TDP2: variants seen among roughly 807,000 people sequenced by gnomAD.
The protein encoded by TDP2 is tyrosyl-DNA phosphodiesterase 2.
Under a neutral mutation model 42.8 loss-of-function variants are expected in TDP2, and 38 were observed. That is an observed-to-expected ratio of 0.89 (90% CI 0.68 to 1.16). The LOEUF is 1.16. TDP2 is among the 50% of genes most tolerant of loss of function. The probability of loss-of-function intolerance (pLI) is 0.00; values close to 1 mark genes in which losing one functional copy is unlikely to be tolerated. For missense variants in TDP2, 439 were observed against 439.3 expected (o/e 1.00, Z 0.01); for synonymous variants, 173 against 150.6 (o/e 1.15, Z -1.09).
intron 3 of TDP2, 125 bp from the exon 4 acceptor site, chr6:24,658,028 T>A (rs1283589009): frequency 6.9e-6 from 4 of 581,848 alleles, no homozygotes; most frequent in Non-Finnish European, 1.2e-5. Context: ...ATATTGAGTG[T>A]TTATGCTGAT....
Position 24,658,536 on chromosome 6 carries a change from A to G in TDP2, c.425+25T>C, listed in dbSNP as rs754236525. 4.4e-6 allele frequency: 7 copies of G among 1,580,362 alleles called. No individual in the cohort carries two copies. In the South Asian group the frequency reaches 8.0e-5, roughly 18 times the overall value. On this transcript the variant is annotated intron_variant, in intron 3 of 6. Transcript: ENST00000378198. ...TTGTATATACATAAGACACATTACTATTAAATAGAAGTGATAATACTTACA... is the reference window on the plus strand; with the variant it reads ...TTGTATATACATAAGACACATTACTGTTAAATAGAAGTGATAATACTTACA...
chr6:24,662,696 C>A (rs535763682), intron 2 of TDP2, among the ~76,000 whole-genome samples: 2 of 152,290 alleles, frequency 1.3e-5, no homozygotes, highest in South Asian at 4.1e-4. Context: ...CACTTTTCTT[C>A]CTCTATACTT....
intron 2 of TDP2, 28 bp downstream of exon 2, chr6:24,666,498 A>G: frequency 1.9e-6 from 3 of 1,608,572 alleles, no homozygotes; most frequent in South Asian, 1.1e-5. Flanking sequence ...CTCCGTGCGG[A>G]CTGGCTCCCG....
In TDP2 at chr6:24,650,821, C is replaced by A; in HGVS notation, c.1056G>T (p.Trp352Cys). Residue 352 changes from tryptophan (W) to cysteine (C), a missense_variant, in exon 7 of 7, where the codon TGG (tryptophan) becomes TGT (cysteine). Transcript: ENST00000378198. ...LDCGRFPSDH[W>C]GLLCNLDIIL ...TTATATCTAAGTTGCACAGAAGACC[C>A]CAGTGATCACTAGGAAATCTACCAC... 3.1e-6 allele frequency: 5 copies of A among 1,614,070 alleles called. No homozygotes were observed. The highest frequency in any genetic ancestry group is 4.2e-6 in the Non-Finnish European group (5 of 1,179,986).
chr6:24,661,309 T>G (rs1480595528), intron 2 of TDP2, among the ~76,000 whole-genome samples: 1 of 152,232 alleles, frequency 6.6e-6, no homozygotes, highest in Non-Finnish European at 1.5e-5. Flanking sequence ...ATGGGTTCTT[T>G]TTTTATGGAT....
chr6:24,661,238 T>C (rs1562149703), intron 2 of TDP2, among the ~76,000 whole-genome samples: 1 of 152,228 alleles, frequency 6.6e-6, no homozygotes, highest in African/African-American at 2.4e-5. Context: ...ATTTAATAGA[T>C]GGAGTTCTAC....
At chr6:24,663,527 C>G (rs978999869) in intron 2 of TDP2, among the ~76,000 whole-genome samples, 2 of 152,160 alleles carry the variant, frequency 1.3e-5, no homozygotes, top group Non-Finnish European at 2.9e-5. Context: ...GAGATATAAT[C>G]CGTAATGTTG....
chr6:24,663,217 TACA>T (rs1184771240), intron 2 of TDP2, among the ~76,000 whole-genome samples: 2 of 152,132 alleles, frequency 1.3e-5, no homozygotes, highest in East Asian at 1.9e-4. Flanking sequence ...ACTTAATCCT[TACA>T]ACAACCCCAT....
At chr6:24,652,849 G>A (rs757311554) in intron 6 of TDP2, 134 bp downstream of exon 6, 84 of 931,656 alleles carry the variant, frequency 9.0e-5, no homozygotes, top group Non-Finnish European at 1.3e-4. Context: ...ACAAATATTC[G>A]CTGAATTGCA....
intron 5 of TDP2, 92 bp from the exon 6 acceptor site, chr6:24,653,245 A>G: frequency 7.7e-7 from 1 of 1,298,952 alleles, no homozygotes; most frequent in Non-Finnish European, 1.1e-6. Flanking sequence ...GTCAAATGGT[A>G]TATATTTACT....
intron 5 of TDP2, among the ~76,000 whole-genome samples, chr6:24,653,467 C>T (rs1439410295): frequency 6.6e-6 from 1 of 152,112 alleles, no homozygotes; most frequent in Non-Finnish European, 1.5e-5. Flanking sequence ...TTTCAAAGCC[C>T]CCTAGGCTAA....
At chr6:24,651,640 G>GAA (rs1777976830) in intron 6 of TDP2, among the ~76,000 whole-genome samples, 1 of 12,288 alleles carries the variant, frequency 8.1e-5, no homozygotes, top group African/African-American at 7.0e-4. Flanking sequence ...TGCCCAGGAT[G>GAA]GAGTGGTGCA....
rs772244923 is a variant in TDP2, at chr6:24,658,585, C to G, written c.401G>C (p.Arg134Pro). ...CAAAGCTAAGTAGGAACACACCCCT[C>G]GAGCCCTCTCTGACAGATTGTTTAG... ...LDLNNLSERA[R>P]GVCSYLALYS... is the part of the protein sequence containing the mutation. Residue 134 changes from arginine (R) to proline (P), a missense_variant, in exon 3 of 7, where the codon CGA (arginine) becomes CCA (proline). Coordinates refer to ENST00000378198, the MANE Select transcript of TDP2 (RefSeq NM_016614.3). 30 of 1,612,726 alleles carry G rather than the reference C, an allele frequency of 1.9e-5. No homozygotes were observed. The highest frequency in any genetic ancestry group is 2.3e-5 in the Non-Finnish European group (27 of 1,179,402).
intron 2 of TDP2, among the ~76,000 whole-genome samples, chr6:24,659,736 A>C (rs1160115173): frequency 6.6e-6 from 1 of 152,204 alleles, no homozygotes. Flanking sequence ...TTGAATGATG[A>C]AACCTAATGC....
At chr6:24,665,971 G>T (rs189768834) in intron 2 of TDP2, 2 of 1,123,506 alleles carry the variant, frequency 1.8e-6, no homozygotes, top group Admixed American at 7.1e-5. Context: ...GATAGGCCTG[G>T]AACCTGGAAA....
rs934618015 is a variant in TDP2, at chr6:24,657,815, T to C, written c.514A>G (p.Thr172Ala). 2 of 1,524,650 alleles carry C rather than the reference T, an allele frequency of 1.3e-6. No homozygotes were observed. Among genetic ancestry groups the C allele is most frequent in the African/African-American group, 1.4e-5 (1 of 70,988 alleles). 94.4% of individuals were successfully genotyped at this position (1,524,650 alleles called of 1,614,324 possible). A position where few individuals can be genotyped will look rare whatever the true frequency, so the allele number is the denominator to read the frequency against. The change falls in exon 4 of 7, where the codon ACA (threonine) becomes GCA (alanine). Residue 172 changes from threonine (T) to alanine (A), a missense_variant. Physicochemically the swap from Thr to Ala is moderately conservative, Grantham distance 58 (BLOSUM62 0). Transcript: ENST00000378198. ...GTTGAATAACAAAAATTGTTACCTG[T>C]AATAATCTCATAATTACTTGATCTC... ...KKRSSNYEII[T>A]GHEEGYFTAI...
chr6:24,665,574 T>C (rs1286439894), intron 2 of TDP2, among the ~76,000 whole-genome samples: 1 of 152,268 alleles, frequency 6.6e-6, no homozygotes, highest in Admixed American at 6.5e-5. Context: ...GAGAATTTTA[T>C]ACATTCAGTA....
Position 24,666,822 on chromosome 6 carries a change from G to A in TDP2, c.41C>T (p.Ala14Val), listed in dbSNP as rs771868751. ...GSCLEGGREAAEEEGEPEVKK... is the reference protein window; with the variant it reads ...GSCLEGGREAVEEEGEPEVKK... ...CACCTCAGGCTCGCCCTCTTCCTCC[G>A]CCGCCTCCCTCCCGCCCTCCAGGCA... Residue 14 changes from alanine (A) to valine (V), a missense_variant, in exon 1 of 7, where the codon GCG (alanine) becomes GTG (valine). Coordinates refer to ENST00000378198, the MANE Select transcript of TDP2 (RefSeq NM_016614.3). The A allele has an allele frequency of 4.3e-6, 7 of 1,614,030 alleles. No homozygotes were observed. Among genetic ancestry groups the A allele is most frequent in the Middle Eastern group, 3.3e-4 (2 of 6,062 alleles).
intron 2 of TDP2, among the ~76,000 whole-genome samples, chr6:24,663,312 A>G (rs888251535): frequency 1.4e-5 from 2 of 146,956 alleles, no homozygotes; most frequent in African/African-American, 5.1e-5. Flanking sequence ...ACTCAGAACC[A>G]TATTACTATC....
Sources: allele counts gnomAD v4.1 joint callset (sites outside exome capture counted in the v4.1 genomes callset), GRCh38; gene constraint gnomAD v4.1.1; transcripts MANE v1.5; gene names NCBI Gene and HGNC (gene_info 2026-07-23, HGNC 2026-07-21).